ROBO2: variants seen among roughly 807,000 people sequenced by gnomAD.
ROBO2 encodes the protein roundabout homolog 2.
In ROBO2, 53 loss-of-function variants were observed where a neutral mutation model predicts 160.8. The observed-to-expected ratio is 0.33, with a 90% CI of 0.26 to 0.41. The LOEUF is 0.41. ROBO2 is among the 10% of genes least tolerant of loss of function. ROBO2 has a pLI of 1.00. For synonymous variants in ROBO2, 664 were observed against 611.7 expected (o/e 1.09, Z -1.26); for missense variants, 1,577 against 1,722.4 (o/e 0.92, Z 1.49).
At chr3:77,553,454 A>C (rs534312556) in intron 8 of ROBO2, among the ~76,000 whole-genome samples, 1 of 152,022 alleles carries the variant, frequency 6.6e-6, no homozygotes, top group South Asian at 2.1e-4. Context: ...CATGTCTCTG[A>C]CTTTAAGTTA....
chr3:76,058,059 AAGGTTC>A (rs2067915887), intron 2 of ROBO2, among the ~76,000 whole-genome samples: 2 of 151,852 alleles, frequency 1.3e-5, no homozygotes, highest in South Asian at 4.2e-4. Context: ...ATAGTGTTAT[AAGGTTC>A]AGAATTGTAC....
At chr3:76,200,878 C>A (rs540136060) in intron 2 of ROBO2, among the ~76,000 whole-genome samples, 4 of 152,016 alleles carry the variant, frequency 2.6e-5, no homozygotes, top group Non-Finnish European at 4.4e-5. Context: ...TAGATTTGGA[C>A]CCCTTACAAA....
intron 2 of ROBO2, among the ~76,000 whole-genome samples, chr3:76,806,966 G>T (rs1036621574): frequency 6.6e-5 from 10 of 151,968 alleles, no homozygotes; most frequent in African/African-American, 1.9e-4. Context: ...TTTTATGATG[G>T]ATTAATGAGA....
chr3:76,360,491 A>G (rs1022553819), intron 2 of ROBO2, among the ~76,000 whole-genome samples: 1 of 152,158 alleles, frequency 6.6e-6, no homozygotes, highest in Admixed American at 6.6e-5. Context: ...GGAATAGCAA[A>G]GATTCCTATA....
intron 5 of ROBO2, among the ~76,000 whole-genome samples, chr3:77,516,327 A>G (rs558834244): frequency 2.2e-4 from 33 of 151,734 alleles, no homozygotes; most frequent in African/African-American, 8.0e-4. Context: ...TTCCCACTTT[A>G]CCTACCAGAA....
intron 13 of ROBO2, among the ~76,000 whole-genome samples, chr3:77,569,790 A>T (rs2093591446): frequency 6.6e-6 from 1 of 151,944 alleles, no homozygotes; most frequent in Non-Finnish European, 1.5e-5. Flanking sequence ...CAAACTACAT[A>T]ATCAGTCAAA....
chr3:77,217,979 G>C lies in ROBO2; in HGVS notation c.388+119639G>C, dbSNP rs971963772. On this transcript the variant is annotated intron_variant, in intron 2 of 25. Coordinates refer to ENST00000461745, the Ensembl canonical transcript of ROBO2. ...AATTATTTATATGTTTCCCAGTTTG[G>C]ATACATTGTCAGCTCCTGATTATCC... Among the ~76,000 whole-genome samples, 17 of 152,210 alleles carry C rather than the reference G, an allele frequency of 1.1e-4. No homozygotes were observed. The East Asian group carries it at 2.9e-3, about 26-fold the overall frequency.
Position 76,635,283 on chromosome 3 carries a change from C to T in ROBO2, c.110-462731C>T, listed in dbSNP as rs142531747. 8.8e-3 allele frequency among the ~76,000 whole-genome samples: 1,334 copies of T among 152,242 alleles called. 14 individuals are homozygous for T. The highest frequency in any genetic ancestry group is 0.03 in the African/African-American group (1,260 of 41,540). The stretch of plus-strand genomic sequence containing the variant: ...TCCCTAATTCTGTGAATTATGCTAT[C>T]ATCTTCGTATGTACATACACATAGA... On this transcript the variant is annotated intron_variant, in intron 2 of 26. Transcript: ENST00000487694.
chr3:76,569,703 C>T (rs1157629845), intron 2 of ROBO2, among the ~76,000 whole-genome samples: 1 of 152,138 alleles, frequency 6.6e-6, no homozygotes, highest in African/African-American at 2.4e-5. Context: ...AAAAGTAGAA[C>T]CATCCTTGAG....
At chr3:77,628,158 A>T (rs555258402) in intron 23 of ROBO2, among the ~76,000 whole-genome samples, 1 of 115,672 alleles carries the variant, frequency 8.6e-6, no homozygotes, top group Non-Finnish European at 1.9e-5. Context: ...GAAAATGTAA[A>T]CACAAATAAA....
At chr3:76,563,428 T>G (rs1288949176) in intron 2 of ROBO2, among the ~76,000 whole-genome samples, 3 of 152,214 alleles carry the variant, frequency 2.0e-5, no homozygotes, top group African/African-American at 7.2e-5. Context: ...TTGTAAATGT[T>G]TCTCTTAATT....
chr3:76,069,626 T>C (rs919261794), intron 2 of ROBO2, among the ~76,000 whole-genome samples: 5 of 152,178 alleles, frequency 3.3e-5, no homozygotes, highest in African/African-American at 1.2e-4. Context: ...CCTACACTTT[T>C]TTTTTAATGA....
chr3:76,648,346 T>C (rs1205044134), intron 2 of ROBO2, among the ~76,000 whole-genome samples: 1 of 152,086 alleles, frequency 6.6e-6, no homozygotes, highest in African/African-American at 2.4e-5. Flanking sequence ...AAAGTAGGTA[T>C]ATGGAATACT....
At chr3:76,901,218 T>C (rs1408885842) in intron 2 of ROBO2, among the ~76,000 whole-genome samples, 1 of 152,058 alleles carries the variant, frequency 6.6e-6, no homozygotes, top group Non-Finnish European at 1.5e-5. Flanking sequence ...TTATTTTATC[T>C]ATAGAATATA....
At chr3:77,407,637 A>G (rs2076358452) in intron 2 of ROBO2, among the ~76,000 whole-genome samples, 3 of 152,212 alleles carry the variant, frequency 2.0e-5, no homozygotes, top group Non-Finnish European at 4.4e-5. Context: ...AATTAAGGTG[A>G]AACATGAGGT....
intron 2 of ROBO2, among the ~76,000 whole-genome samples, chr3:76,209,101 A>T (rs757947346): frequency 6.6e-6 from 1 of 152,196 alleles, no homozygotes. Context: ...CAACTTTGTC[A>T]GAACTATTTT....
At chr3:76,119,553 A>G (rs1429225840) in intron 2 of ROBO2, among the ~76,000 whole-genome samples, 1 of 152,010 alleles carries the variant, frequency 6.6e-6, no homozygotes, top group African/African-American at 2.4e-5. Context: ...TTCAGAGGCA[A>G]GCTTAGGGTT....
chr3:77,304,729 C>A (rs111234244), intron 2 of ROBO2, among the ~76,000 whole-genome samples: 2 of 152,062 alleles, frequency 1.3e-5, no homozygotes, highest in Non-Finnish European at 2.9e-5. Flanking sequence ...TTGGAAGAAC[C>A]ATTTCCACTT....
chr3:76,801,936 G>A (rs1399354933), intron 2 of ROBO2, among the ~76,000 whole-genome samples: 1 of 152,094 alleles, frequency 6.6e-6, no homozygotes, highest in Admixed American at 6.6e-5. Flanking sequence ...AAATAGGGAG[G>A]TCTGAGGAGA....
Sources: gnomAD v4.1 joint callset for allele counts (sites outside exome capture counted in the v4.1 genomes callset) on GRCh38, gnomAD v4.1.1 for gene constraint, MANE v1.5 for transcripts, NCBI Gene and HGNC (gene_info 2026-07-23, HGNC 2026-07-21) for gene names.